Variants in SCN10A observed in about 807,000 individuals in gnomAD.
SCN10A encodes the protein sodium channel protein type 10 subunit alpha.
SCN10A carries 162 observed loss-of-function variants against 170.7 expected under a neutral mutation model. That is an observed-to-expected ratio of 0.95 (90% CI 0.84 to 1.08). The LOEUF (loss-of-function observed/expected upper bound fraction) is 1.08, where lower values mean the gene tolerates loss of function less well. Ranked by LOEUF, SCN10A falls within the 50% of genes least tolerant of loss-of-function variation. The probability of loss-of-function intolerance (pLI) is 0.00; values close to 1 mark genes in which losing one functional copy is unlikely to be tolerated. For synonymous variants in SCN10A, 985 were observed against 904.6 expected (o/e 1.09, Z -1.59); for missense variants, 2,527 against 2,436.9 (o/e 1.04, Z -0.78).
At chr3:38,788,276 G>T (rs79788213) in intron 4 of SCN10A, among the ~76,000 whole-genome samples, 6 of 149,734 alleles carry the variant, frequency 4.0e-5, no homozygotes, top group African/African-American at 1.5e-4. Flanking sequence ...ATAACCAAAG[G>T]TATGTTAGGT....
intron 15 of SCN10A, among the ~76,000 whole-genome samples, chr3:38,729,940 C>T (rs1466591687): frequency 2.0e-5 from 3 of 152,162 alleles, no homozygotes; most frequent in East Asian, 1.9e-4. Context: ...TGGGGGAGAG[C>T]GGGTCCACGT....
intron 6 of SCN10A, 53 bp downstream of exon 6, chr3:38,763,452 A>G: frequency 7.4e-7 from 1 of 1,355,862 alleles, no homozygotes. Flanking sequence ...TGAAAATTAG[A>G]GAAGGGAGTT....
At chr3:38,723,678 C>CT in intron 18 of SCN10A, 125 bp from the exon 19 acceptor site, 1 of 1,173,326 alleles carries the variant, frequency 8.5e-7, no homozygotes, top group Non-Finnish European at 1.2e-6. Flanking sequence ...TGGAACACTG[C>CT]TCTTCTCCCT....
At chr3:38,764,290 G>C (rs1482048224) in intron 5 of SCN10A, among the ~76,000 whole-genome samples, 1 of 152,128 alleles carries the variant, frequency 6.6e-6, no homozygotes, top group Non-Finnish European at 1.5e-5. Flanking sequence ...CTTTAACGCT[G>C]ATTTCTGAGA....
Position 38,698,273 on chromosome 3 carries a change from G to A in SCN10A, c.4947C>T (p.Asn1649=), listed in dbSNP as rs1159624374. The part of the protein sequence containing the change: ...DDMFNFQTFA[N]SMLCLFQITT... ...TAATCTGGAAGAGGCACAGCATGCTGTTGGCGAAGGTCTGGAAGTTGAACA... is the reference window on the plus strand; with the variant it reads ...TAATCTGGAAGAGGCACAGCATGCTATTGGCGAAGGTCTGGAAGTTGAACA... Residue 1649 remains asparagine, a synonymous_variant, in exon 28 of 28, where the codon AAC becomes AAT. Coordinates refer to ENST00000449082, the MANE Select transcript of SCN10A (RefSeq NM_006514.4). The A allele has an allele frequency of 3.7e-6, 6 of 1,614,174 alleles. No individual in the cohort carries two copies. Among genetic ancestry groups the A allele is most frequent in the Non-Finnish European group, 5.1e-6 (6 of 1,180,030 alleles).
At chr3:38,795,227 GA>G (rs1410800429) in intron 1 of SCN10A, among the ~76,000 whole-genome samples, 1 of 151,922 alleles carries the variant, frequency 6.6e-6, no homozygotes, top group Middle Eastern at 3.2e-3. Flanking sequence ...TTGAAGCTTG[GA>G]TTTTGCCCTC....
At chr3:38,755,658 G>T in intron 11 of SCN10A, 130 bp downstream of exon 11, 2 of 985,202 alleles carry the variant, frequency 2.0e-6, no homozygotes, top group South Asian at 1.6e-5. Context: ...ATTTTGGAGG[G>T]GTGTCTGGAT....
intron 4 of SCN10A, among the ~76,000 whole-genome samples, chr3:38,783,948 A>AT (rs753142305): frequency 1.9e-4 from 29 of 152,054 alleles, no homozygotes; most frequent in Non-Finnish European, 3.4e-4. Flanking sequence ...CAACTCTTTG[A>AT]TTTAAAAAAA....
At chr3:38,705,277 C>T (rs1190024451) in intron 26 of SCN10A, among the ~76,000 whole-genome samples, 1 of 151,860 alleles carries the variant, frequency 6.6e-6, no homozygotes, top group Non-Finnish European at 1.5e-5. Flanking sequence ...AAGGGGAGAG[C>T]CACGTTCCTC....
At chr3:38,763,429 T>TA in intron 6 of SCN10A, 76 bp downstream of exon 6, 1 of 1,158,798 alleles carries the variant, frequency 8.6e-7, no homozygotes, top group South Asian at 1.3e-5. Flanking sequence ...CCTGGAACCT[T>TA]ACAGGGTTCT....
At chr3:38,762,953 C>T (rs918562553) in intron 6 of SCN10A, among the ~76,000 whole-genome samples, 1 of 152,114 alleles carries the variant, frequency 6.6e-6, no homozygotes, top group Admixed American at 6.5e-5. Context: ...GAAGAGTAGT[C>T]GCTGGGCTAC....
At chr3:38,788,150 T>C (rs2064231631) in intron 4 of SCN10A, among the ~76,000 whole-genome samples, 1 of 151,218 alleles carries the variant, frequency 6.6e-6, no homozygotes, top group African/African-American at 2.4e-5. Context: ...GTGATCCTTT[T>C]CCTTTAATCT....
At chr3:38,706,919 G>C (rs2063216664) in intron 26 of SCN10A, among the ~76,000 whole-genome samples, 1 of 152,106 alleles carries the variant, frequency 6.6e-6, no homozygotes, top group South Asian at 2.1e-4. Context: ...CTGCGACCTA[G>C]ACCATGATAC....
At chr3:38,728,067 T>G (rs1005596110) in intron 16 of SCN10A, among the ~76,000 whole-genome samples, 1 of 152,200 alleles carries the variant, frequency 6.6e-6, no homozygotes, top group African/African-American at 2.4e-5. Context: ...TAAAAATGTT[T>G]TCTGAGCCCC....
At chr3:38,720,697 G>A (rs879372073) in intron 20 of SCN10A, among the ~76,000 whole-genome samples, 1 of 152,112 alleles carries the variant, frequency 6.6e-6, no homozygotes, top group African/African-American at 2.4e-5. Context: ...GGGAATGTGG[G>A]GGGTGGACCG....
intron 26 of SCN10A, among the ~76,000 whole-genome samples, chr3:38,702,549 T>C (rs919133402): frequency 1.6e-4 from 25 of 152,248 alleles, no homozygotes; most frequent in African/African-American, 6.0e-4. Flanking sequence ...ATGCGTCTTC[T>C]CTACTAGACA....
Position 38,698,329 on chromosome 3 carries a change from G to A in SCN10A, c.4891C>T (p.His1631Tyr). 1.2e-6 allele frequency: 2 copies of A among 1,613,992 alleles called. No homozygotes were observed. Among genetic ancestry groups the A allele is most frequent in the Non-Finnish European group, 1.7e-6 (2 of 1,179,878 alleles). ...YSIFGMSSFP[H>Y]VRWEAGIDDM... is the part of the protein sequence containing the mutation. ...TCGATGCCAGCCTCCCACCTCACAT[G>A]GGGAAAGCTGGACATACCGAAGATA... The change falls in exon 28 of 28, where the codon CAT becomes TAT. Residue 1631 changes from histidine to tyrosine, a missense_variant. His to Tyr is a moderately conservative substitution (Grantham distance 83). Coordinates refer to ENST00000449082, the MANE Select transcript of SCN10A (RefSeq NM_006514.4).
At position 38,756,793 on chromosome 3, in the gene SCN10A, A is replaced by G; in HGVS notation, c.1171T>C (p.Leu391=). Residue 391 remains leucine (L), a synonymous_variant, in exon 10 of 28, where the codon TTG becomes CTG. Coordinates refer to ENST00000449082, the MANE Select transcript of SCN10A (RefSeq NM_006514.4). The part of the protein sequence containing the change: ...IFLGSFYLVN[L]ILAVVTMAYE... ...GCCATGGTGACTACAGCCAAGATCA[A>G]GTTGACCAGGTAGAAAGATCCCAGG... is the stretch of plus-strand genomic sequence containing the variant. 1 of 1,614,182 alleles carries G rather than the reference A, an allele frequency of 6.2e-7. No homozygotes were observed. Among genetic ancestry groups the G allele is most frequent in the Non-Finnish European group, 8.5e-7 (1 of 1,180,024 alleles).
chr3:38,764,497 T>G (rs575095661), intron 5 of SCN10A, among the ~76,000 whole-genome samples: 11 of 152,134 alleles, frequency 7.2e-5, no homozygotes, highest in Non-Finnish European at 1.5e-4. Context: ...GTTACTTCAT[T>G]TAGAATAATA....
Sources: gnomAD v4.1 joint callset for allele counts (sites outside exome capture counted in the v4.1 genomes callset) on GRCh38, gnomAD v4.1.1 for gene constraint, MANE v1.5 for transcripts, NCBI Gene and HGNC (gene_info 2026-07-23, HGNC 2026-07-21) for gene names.